Variants in SGCZ observed in about 807,000 individuals in gnomAD.
SGCZ encodes zeta-sarcoglycan.
A neutral mutation model predicts 41.3 loss-of-function variants in SGCZ; 40 were observed. The observed-to-expected ratio is 0.97, with a 90% confidence interval of 0.75 to 1.26. The LOEUF is 1.26. Ranked by LOEUF, SGCZ falls within the 50% of genes most tolerant of loss-of-function variation. The pLI is 0.00. For synonymous variants in SGCZ, 206 were observed against 137.5 expected (o/e 1.50, Z -3.49); for missense variants, 552 against 369.8 (o/e 1.49, Z -4.04).
At position 15,003,059 on chromosome 8, in the gene SGCZ, G is replaced by T. The variant is rs1247424637; in HGVS notation, c.39+234526C>A. On this transcript the variant is annotated intron_variant, in intron 1 of 7. Coordinates refer to ENST00000382080, the MANE Select transcript of SGCZ (RefSeq NM_139167.4). ...CTTCACTTTTCGCCGTGATTGTGAGGCCTCCCCAGCCTCACAATCATGGCA... is the reference window on the plus strand; with the variant it reads ...CTTCACTTTTCGCCGTGATTGTGAGTCCTCCCCAGCCTCACAATCATGGCA... Among the ~76,000 whole-genome samples, 5 of 152,042 alleles carry T rather than the reference G, an allele frequency of 3.3e-5. No individual in the cohort carries two copies. In the South Asian group the frequency reaches 8.3e-4, roughly 25 times the overall value.
At chr8:14,385,979 A>T (rs528747983) in intron 2 of SGCZ, among the ~76,000 whole-genome samples, 7 of 152,202 alleles carry the variant, frequency 4.6e-5, no homozygotes, top group African/African-American at 7.2e-5. Flanking sequence ...ACCAAATACA[A>T]TGTAAATACT....
intron 2 of SGCZ, chr8:14,332,582 C>G (rs1802373399): frequency 6.6e-6 from 1 of 152,038 alleles, no homozygotes; most frequent in South Asian, 2.1e-4. Context: ...TGAGTTATCT[C>G]AATTGATTGT....
chr8:14,429,677 C>T (rs1423016520), intron 2 of SGCZ, among the ~76,000 whole-genome samples: 1 of 152,264 alleles, frequency 6.6e-6, no homozygotes, highest in African/African-American at 2.4e-5. Flanking sequence ...AAATCAATGA[C>T]TAGCGTGGCT....
intron 1 of SGCZ, among the ~76,000 whole-genome samples, chr8:14,826,921 A>G (rs1761053643): frequency 1.3e-5 from 2 of 152,094 alleles, no homozygotes; most frequent in Non-Finnish European, 2.9e-5. Context: ...TTTGCTGTGC[A>G]GAAGCTCTTT....
intron 1 of SGCZ, among the ~76,000 whole-genome samples, chr8:14,899,182 T>A (rs769723090): frequency 4.6e-5 from 7 of 152,186 alleles, no homozygotes; most frequent in Non-Finnish European, 8.8e-5. Flanking sequence ...AATGAACATA[T>A]ATTTTAGGAA....
At chr8:14,191,872 G>A (rs1459477679) in intron 4 of SGCZ, among the ~76,000 whole-genome samples, 1 of 151,962 alleles carries the variant, frequency 6.6e-6, no homozygotes, top group Non-Finnish European at 1.5e-5. Context: ...TCCATATCCT[G>A]TAGGATTCCT....
At chr8:14,237,797 A>AC in intron 3 of SGCZ, 118 bp from the exon 4 acceptor site, 2 of 826,640 alleles carry the variant, frequency 2.4e-6, no homozygotes, top group Admixed American at 2.5e-5. Flanking sequence ...TCTATATTAG[A>AC]CAGTTAATTT....
rs1585246522 is a variant in SGCZ at position 14,221,549 on chromosome 8, C to G, written c.424+16043G>C. Among the ~76,000 whole-genome samples the G allele has an allele frequency of 1.3e-5, 2 of 152,174 alleles. 1 individual carries two copies. Among genetic ancestry groups the G allele is most frequent in the Admixed American group, 1.3e-4 (2 of 15,274 alleles). ...CTTACATATTGCAGTTTCGACATAA[C>G]AGGCATCCTGCTTTATATACATGGA... On this transcript the variant is annotated intron_variant, in intron 4 of 7. Coordinates refer to ENST00000382080, the MANE Select transcript of SGCZ (RefSeq NM_139167.4).
chr8:14,262,697 T>A (rs1799714525), intron 3 of SGCZ, among the ~76,000 whole-genome samples: 2 of 151,412 alleles, frequency 1.3e-5, no homozygotes, highest in African/African-American at 4.8e-5. Flanking sequence ...GAACCTTGAA[T>A]AAATAATACA....
intron 5 of SGCZ, 37 bp from the exon 6 acceptor site, chr8:14,108,272 A>G (rs770983899): frequency 5.8e-5 from 92 of 1,573,270 alleles, no homozygotes; most frequent in Non-Finnish European, 7.7e-5. Context: ...AGTATAAGCA[A>G]GTCCACACAG....
intron 1 of SGCZ, among the ~76,000 whole-genome samples, chr8:14,849,381 A>C (rs1803239088): frequency 6.6e-6 from 1 of 152,160 alleles, no homozygotes; most frequent in South Asian, 2.1e-4. Context: ...ATTTCACACT[A>C]ATTTTCATAG....
rs935592212 is a variant in SGCZ at position 14,088,016 on chromosome 8, G to T, written c.*2427C>A. 2.0e-5 allele frequency among the ~76,000 whole-genome samples: 3 copies of T among 151,676 alleles called. No individual in the cohort carries two copies. Among genetic ancestry groups the T allele is most frequent in the African/African-American group, 7.3e-5 (3 of 41,356 alleles). ...TGTCTATACTTCTCAGAATGCATTT[G>T]AATTAAAAATGTGTCAGTCCCTCAC... On this transcript the variant is annotated 3_prime_UTR_variant, in exon 8 of 8. Transcript: ENST00000382080.
chr8:14,806,516 C>G (rs973440630), intron 1 of SGCZ, among the ~76,000 whole-genome samples: 3 of 152,112 alleles, frequency 2.0e-5, no homozygotes, highest in Non-Finnish European at 2.9e-5. Flanking sequence ...ATACACTTTC[C>G]CAAGACTAAA....
At chr8:14,419,849 T>A (rs73529919) in intron 2 of SGCZ, among the ~76,000 whole-genome samples, 1 of 152,196 alleles carries the variant, frequency 6.6e-6, no homozygotes, top group African/African-American at 2.4e-5. Context: ...ATTTGCTGAC[T>A]TGAAAGTCCA....
chr8:14,286,190 T>C (rs1800621049), intron 3 of SGCZ, among the ~76,000 whole-genome samples: 2 of 152,144 alleles, frequency 1.3e-5, no homozygotes, highest in Admixed American at 1.3e-4. Context: ...ATTCTATCTA[T>C]GGGATACCAA....
intron 2 of SGCZ, among the ~76,000 whole-genome samples, chr8:14,362,781 T>C: frequency 6.6e-6 from 1 of 152,170 alleles, no homozygotes; most frequent in East Asian, 1.9e-4. Context: ...TGTGTCTATC[T>C]CATTAGGAGC....
intron 4 of SGCZ, among the ~76,000 whole-genome samples, chr8:14,227,051 G>T (rs1322966839): frequency 4.6e-5 from 7 of 152,024 alleles, no homozygotes; most frequent in African/African-American, 1.7e-4. Flanking sequence ...TCAATTAGTA[G>T]CTCACAGGTT....
At chr8:14,136,361 G>A (rs1037613583) in intron 5 of SGCZ, among the ~76,000 whole-genome samples, 4 of 152,190 alleles carry the variant, frequency 2.6e-5, no homozygotes, top group African/African-American at 4.8e-5. Flanking sequence ...ACCTTACACA[G>A]GAAGCTCAAG....
At chr8:14,946,355 T>A (rs1292552839) in intron 1 of SGCZ, among the ~76,000 whole-genome samples, 4 of 151,704 alleles carry the variant, frequency 2.6e-5, no homozygotes, top group Non-Finnish European at 5.9e-5. Context: ...TCCTCGCGCA[T>A]CACAGAAGGA....
Sources: gnomAD v4.1 joint callset for allele counts (sites outside exome capture counted in the v4.1 genomes callset) on GRCh38, gnomAD v4.1.1 for gene constraint, MANE v1.5 for transcripts, NCBI Gene and HGNC (gene_info 2026-07-23, HGNC 2026-07-21) for gene names.